The following IL1RAPL2 variants were observed in gnomAD, a reference collection of about 807,000 sequenced individuals.
IL1RAPL2 encodes X-linked interleukin-1 receptor accessory protein-like 2.
A neutral mutation model predicts 44.1 loss-of-function variants in IL1RAPL2; 3 were observed. That is an observed-to-expected ratio of 0.07 (90% CI 0.03 to 0.18). IL1RAPL2 has a LOEUF of 0.18. Among genes scored for constraint, IL1RAPL2 ranks in the 10% least tolerant of loss-of-function variants. The pLI is 1.00. For synonymous variants in IL1RAPL2, 181 were observed against 178.8 expected, an observed-to-expected ratio of 1.01 and a Z score of -0.10; for missense variants, 391 against 496.4, an observed-to-expected ratio of 0.79 and a Z score of 2.02.
At chrX:104,684,071 G>A (rs974779776) in intron 2 of IL1RAPL2, among the ~76,000 whole-genome samples, 3 of 111,604 alleles carry the variant, frequency 2.7e-5, no homozygotes, top group African/African-American at 9.8e-5. Flanking sequence ...TTTACTATAA[G>A]AAGCACGATT....
In IL1RAPL2 at chrX:105,504,131, A is replaced by G. The variant is rs1187510801; in HGVS notation, c.772+19744A>G. Among the ~76,000 whole-genome samples, 10 of 111,883 alleles carry G rather than the reference A, an allele frequency of 8.9e-5. No homozygotes were observed. The East Asian group carries it at 2.8e-3, about 32-fold the overall frequency. On this transcript the variant is annotated intron_variant, in intron 6 of 10. Transcript: ENST00000372582. Reference sequence around the variant, plus strand: ...TAGAAGTAAAACCTTCAGTCTCAAAATAAGAAGTTTGCTGAGCTAAAATCT... The same window carrying G: ...TAGAAGTAAAACCTTCAGTCTCAAAGTAAGAAGTTTGCTGAGCTAAAATCT...
chrX:105,388,148 CAAAAAAAAAAAAAAAAAAAAAAAAAAAAA>C (rs760730401), intron 5 of IL1RAPL2, among the ~76,000 whole-genome samples: 1 of 5,382 alleles, frequency 1.9e-4, no homozygotes, highest in Non-Finnish European at 5.5e-4. Context: ...AACTCCATCT[CAAAAAAAAAAAAAAAAAAAAAAAAAAAAA>C]AAAAAAAAAA....
intron 5 of IL1RAPL2, among the ~76,000 whole-genome samples, chrX:105,363,277 GTATATATATATAATA>G (rs1317407906): frequency 4.9e-5 from 4 of 81,082 alleles, no homozygotes; most frequent in African/African-American, 2.0e-4. Flanking sequence ...ATATATGTGT[GTATATATATATAATA>G]TATATATATA....
intron 2 of IL1RAPL2, among the ~76,000 whole-genome samples, chrX:105,127,130 A>G (rs1298164388): frequency 2.7e-5 from 3 of 111,500 alleles, no homozygotes; most frequent in Non-Finnish European, 5.7e-5. Flanking sequence ...TAAAAGAGCA[A>G]GCAAGGAAAG....
At chrX:105,431,628 G>A (rs16984773) in intron 5 of IL1RAPL2, among the ~76,000 whole-genome samples, 24,837 of 110,443 alleles carry the variant, frequency 0.22, 6,797 homozygotes, top group African/African-American at 0.78. Flanking sequence ...AACTTTCGAC[G>A]GCTTTAGGCA....
intron 2 of IL1RAPL2, among the ~76,000 whole-genome samples, chrX:105,172,001 A>G (rs2033428033): frequency 8.9e-6 from 1 of 112,591 alleles, no homozygotes; most frequent in African/African-American, 3.2e-5. Flanking sequence ...AGATGGAGTG[A>G]GAAAAGAATC....
At chrX:104,941,356 C>T (rs556814572) in intron 2 of IL1RAPL2, among the ~76,000 whole-genome samples, 53 of 111,403 alleles carry the variant, frequency 4.8e-4, no homozygotes, top group Middle Eastern at 4.6e-3. Context: ...ACATCCTCTC[C>T]AGCACCTGTT....
chrX:105,406,623 A>G (rs1470954106), intron 5 of IL1RAPL2: 9 of 1,153,226 alleles, frequency 7.8e-6, no homozygotes, highest in Non-Finnish European at 1.1e-5. Flanking sequence ...AAGCCGCTGT[A>G]ATCTTGCACA....
chrX:105,349,943 T>A (rs755632178), intron 5 of IL1RAPL2, among the ~76,000 whole-genome samples: 1 of 112,211 alleles, frequency 8.9e-6, no homozygotes, highest in Admixed American at 9.5e-5. Context: ...CTAAGGTAAA[T>A]CAGGGCTTTG....
chrX:105,606,030 G>A (rs1384594086), intron 6 of IL1RAPL2, among the ~76,000 whole-genome samples: 1 of 111,242 alleles, frequency 9.0e-6, no homozygotes, highest in East Asian at 2.8e-4. Context: ...TCAGGACATT[G>A]GTCTGAGAAC....
At chrX:105,248,351 A>C (rs370498717) in intron 4 of IL1RAPL2, among the ~76,000 whole-genome samples, 1 of 111,871 alleles carries the variant, frequency 8.9e-6, no homozygotes, top group Non-Finnish European at 1.9e-5. Flanking sequence ...GAAAACCCAA[A>C]GGATGCAACT....
Position 105,060,585 on chromosome X carries a change from C to CTTT in IL1RAPL2, c.83-134874_83-134872dup, listed in dbSNP as rs1161187469. ...TCTTTTTTCTATTCTTTTTCTTTTT[C>CTTT]TTTTTTTTTTTTTTTTTTGATATGT... On this transcript the variant is annotated intron_variant, in intron 2 of 10. Transcript: ENST00000372582. 6.6e-3 allele frequency among the ~76,000 whole-genome samples: 461 copies of CTTT among 70,103 alleles called. 12 individuals are homozygous for CTTT. The highest frequency in any genetic ancestry group is 0.027 in the African/African-American group (440 of 16,250). 60.9% of individuals were successfully genotyped at this position (70,103 alleles called of 115,157 possible).
At chrX:104,643,443 G>C (rs557882015) in intron 1 of IL1RAPL2, among the ~76,000 whole-genome samples, 1 of 111,751 alleles carries the variant, frequency 8.9e-6, no homozygotes, top group South Asian at 3.7e-4. Flanking sequence ...ATATCACTGA[G>C]GATTAGTTTT....
intron 7 of IL1RAPL2, among the ~76,000 whole-genome samples, chrX:105,723,274 T>C (rs2038321632): frequency 9.0e-6 from 1 of 111,592 alleles, no homozygotes; most frequent in Non-Finnish European, 1.9e-5. Flanking sequence ...TTCAATAACG[T>C]GTTTCTCATG....
At chrX:105,382,864 T>C (rs1362043033) in intron 5 of IL1RAPL2, among the ~76,000 whole-genome samples, 8 of 104,122 alleles carry the variant, frequency 7.7e-5, no homozygotes, top group Admixed American at 3.2e-4. Context: ...CAAACTATCG[T>C]AAGAACAAAA....
intron 6 of IL1RAPL2, among the ~76,000 whole-genome samples, chrX:105,589,350 T>C (rs892976866): frequency 9.0e-6 from 1 of 111,657 alleles, no homozygotes; most frequent in African/African-American, 3.3e-5. Flanking sequence ...TTTATTCTAT[T>C]GATGGTTTCT....
chrX:105,180,806 T>C (rs894505448), intron 2 of IL1RAPL2, among the ~76,000 whole-genome samples: 2 of 112,058 alleles, frequency 1.8e-5, no homozygotes, highest in African/African-American at 6.5e-5. Flanking sequence ...TTTTGTTGTG[T>C]CCTTGTCTGG....
chrX:104,983,370 C>A (rs1357292658), intron 2 of IL1RAPL2, among the ~76,000 whole-genome samples: 4 of 99,711 alleles, frequency 4.0e-5, no homozygotes, highest in East Asian at 3.0e-4. Context: ...TTTGCTCTCT[C>A]TATATATAGA....
intron 3 of IL1RAPL2, among the ~76,000 whole-genome samples, chrX:105,212,476 C>T (rs1290556134): frequency 8.9e-6 from 1 of 111,832 alleles, no homozygotes; most frequent in Non-Finnish European, 1.9e-5. Context: ...GACTTACAGA[C>T]AAAACCCCCA....
Sources: gnomAD v4.1 joint callset for allele counts (sites outside exome capture counted in the v4.1 genomes callset) on GRCh38, gnomAD v4.1.1 for gene constraint, MANE v1.5 for transcripts, NCBI Gene and HGNC (gene_info 2026-07-23, HGNC 2026-07-21) for gene names.